Variants in CRYL1 observed in about 807,000 individuals in gnomAD.
The protein encoded by CRYL1 is crystallin lambda 1.
CRYL1 carries 29 observed loss-of-function variants against 36.6 expected under a neutral mutation model. The ratio of observed to expected loss-of-function variants is 0.79; its 90% CI spans 0.59 to 1.08. The LOEUF (loss-of-function observed/expected upper bound fraction) is 1.08. Among genes scored for constraint, CRYL1 ranks in the 50% least tolerant of loss-of-function variants. CRYL1 has a pLI of 0.00. For missense variants in CRYL1, 411 were observed against 407.9 expected (o/e 1.01, Z -0.06); for synonymous variants, 152 against 151.5 (o/e 1.00, Z -0.02).
At chr13:20,497,479 C>CAT (rs1565983782) in intron 2 of CRYL1, among the ~76,000 whole-genome samples, 1 of 502 alleles carries the variant, frequency 2.0e-3, no homozygotes, top group Non-Finnish European at 6.4e-3. Context: ...CACACACCAC[C>CAT]ACACACACAA....
At chr13:20,437,555 C>A (rs1478837133) in intron 4 of CRYL1, among the ~76,000 whole-genome samples, 3 of 152,262 alleles carry the variant, frequency 2.0e-5, no homozygotes, top group East Asian at 3.9e-4. Context: ...AATCCACCCA[C>A]CTCGGCCTCC....
At chr13:20,506,549 A>T (rs975610134) in intron 2 of CRYL1, among the ~76,000 whole-genome samples, 12 of 152,150 alleles carry the variant, frequency 7.9e-5, no homozygotes, top group African/African-American at 2.7e-4. Flanking sequence ...AAACAAAAAA[A>T]CTTATCCACA....
chr13:20,451,168 C>T, intron 3 of CRYL1, among the ~76,000 whole-genome samples: 1 of 151,972 alleles, frequency 6.6e-6, no homozygotes. Context: ...ATGTAACAAA[C>T]CTGCACGTTG....
chr13:20,503,303 G>A (rs1050637563), intron 2 of CRYL1, among the ~76,000 whole-genome samples: 1 of 152,182 alleles, frequency 6.6e-6, no homozygotes, highest in Non-Finnish European at 1.5e-5. Context: ...TGAACTTTGG[G>A]CAACAGACAC....
At position 20,471,179 on chromosome 13, in the gene CRYL1, G is replaced by A. The variant is rs73443994; in HGVS notation, c.276+18191C>T. ...TGAAAGAGTATGACGTGGCTATTAC[G>A]GAAGTGGCTATGGGATTATGAAGCA... On this transcript the variant is annotated intron_variant, in intron 3 of 7. Transcript: ENST00000298248. Among the ~76,000 whole-genome samples, 339 of 152,180 alleles carry A rather than the reference G, an allele frequency of 2.2e-3. 4 individuals carry two copies. The highest frequency in any genetic ancestry group is 8.0e-3 in the African/African-American group (331 of 41,502).
At chr13:20,405,356 G>A (rs1005258817) in intron 6 of CRYL1, among the ~76,000 whole-genome samples, 1 of 152,046 alleles carries the variant, frequency 6.6e-6, no homozygotes, top group Non-Finnish European at 1.5e-5. Flanking sequence ...GTTGGCCTGC[G>A]TTCACACACT....
intron 1 of CRYL1, among the ~76,000 whole-genome samples, chr13:20,516,190 CAAAAAA>C (rs35780379): frequency 2.7e-5 from 2 of 73,292 alleles, no homozygotes; most frequent in Non-Finnish European, 4.7e-5. Flanking sequence ...AACTCCATCT[CAAAAAA>C]AAAAAAAAAA....
At chr13:20,432,750 G>C (rs901050868) in intron 4 of CRYL1, among the ~76,000 whole-genome samples, 1 of 152,124 alleles carries the variant, frequency 6.6e-6, no homozygotes, top group Admixed American at 6.5e-5. Context: ...GGGTGCGGTG[G>C]CTCACACCTG....
intron 4 of CRYL1, 40 bp downstream of exon 4, chr13:20,439,553 A>T: frequency 1.5e-6 from 2 of 1,325,932 alleles, no homozygotes; most frequent in South Asian, 1.4e-5. Flanking sequence ...ACACAGAATG[A>T]GATGAGATAC....
intron 2 of CRYL1, among the ~76,000 whole-genome samples, chr13:20,507,162 G>A (rs1450037783): frequency 6.6e-6 from 1 of 152,172 alleles, no homozygotes; most frequent in Non-Finnish European, 1.5e-5. Context: ...AAATTGTTCA[G>A]TCTCAGGTAT....
chr13:20,467,243 G>A (rs114676021), intron 3 of CRYL1, among the ~76,000 whole-genome samples: 3,578 of 151,612 alleles, frequency 0.024, 146 homozygotes, highest in African/African-American at 0.081. Context: ...CACCACCCCC[G>A]GCCCATACAG....
intron 3 of CRYL1, among the ~76,000 whole-genome samples, chr13:20,474,375 C>A (rs952665365): frequency 2.0e-5 from 3 of 152,134 alleles, no homozygotes; most frequent in African/African-American, 7.2e-5. Flanking sequence ...GGGATGTAGG[C>A]TTCCTCTAAT....
At chr13:20,497,585 T>C (rs1337079289) in intron 2 of CRYL1, among the ~76,000 whole-genome samples, 1 of 141,798 alleles carries the variant, frequency 7.1e-6, no homozygotes, top group Non-Finnish European at 1.5e-5. Flanking sequence ...ACACCATATA[T>C]ATGCACCACA....
In CRYL1 at chr13:20,452,755, C is replaced by T. The variant is rs1389030547; in HGVS notation, c.277-13001G>A. 3.9e-5 allele frequency among the ~76,000 whole-genome samples: 6 copies of T among 151,974 alleles called. No homozygotes were observed. The East Asian group carries it at 5.8e-4, about 15-fold the overall frequency. On this transcript the variant is annotated intron_variant, in intron 3 of 7. Transcript: ENST00000298248. Reference sequence around the variant, plus strand: ...AGGTTCATCAACTGTAATAAATGTGCCATTCTGGTGGGAGTTGCTGATAAT... The same window carrying T: ...AGGTTCATCAACTGTAATAAATGTGTCATTCTGGTGGGAGTTGCTGATAAT...
chr13:20,463,569 A>C (rs1248857006), intron 3 of CRYL1, among the ~76,000 whole-genome samples: 2 of 152,174 alleles, frequency 1.3e-5, no homozygotes, highest in Admixed American at 6.5e-5. Context: ...AAACTGATTT[A>C]TTGGAGAGAC....
chr13:20,495,425 G>A (rs1458672504), intron 2 of CRYL1, among the ~76,000 whole-genome samples: 2 of 151,974 alleles, frequency 1.3e-5, no homozygotes, highest in Non-Finnish European at 2.9e-5. Flanking sequence ...GGTAGGACAG[G>A]GTATGGGTGA....
chr13:20,511,059 A>T (rs964980362), intron 2 of CRYL1, among the ~76,000 whole-genome samples: 2 of 151,702 alleles, frequency 1.3e-5, no homozygotes, highest in Non-Finnish European at 2.9e-5. Flanking sequence ...TTTACTTTTG[A>T]TTTTTGTCTG....
chr13:20,524,401 G>C (rs1489685139), intron 1 of CRYL1, among the ~76,000 whole-genome samples: 1 of 151,308 alleles, frequency 6.6e-6, no homozygotes, highest in Non-Finnish European at 1.5e-5. Flanking sequence ...TTTTCAGACG[G>C]AGTTTCGCTC....
At chr13:20,416,705 A>G (rs889059660) in intron 5 of CRYL1, among the ~76,000 whole-genome samples, 1 of 152,246 alleles carries the variant, frequency 6.6e-6, no homozygotes, top group Admixed American at 6.5e-5. Context: ...TAGTATTTTT[A>G]GAGCTGATTT....
Sources: gnomAD v4.1 joint callset for allele counts (sites outside exome capture counted in the v4.1 genomes callset) on GRCh38, gnomAD v4.1.1 for gene constraint, MANE v1.5 for transcripts, NCBI Gene and HGNC (gene_info 2026-07-23, HGNC 2026-07-21) for gene names.